Variants in PPWD1 observed in about 807,000 individuals in gnomAD.
PPWD1 encodes the protein peptidylprolyl isomerase domain and WD repeat-containing protein 1.
Under a neutral mutation model 68.8 loss-of-function variants are expected in PPWD1, and 43 were observed. The ratio of observed to expected loss-of-function variants is 0.62; its 90% CI spans 0.49 to 0.81. The LOEUF (loss-of-function observed/expected upper bound fraction) is 0.81, where lower values mean the gene tolerates loss of function less well. Ranked by LOEUF, PPWD1 falls within the 30% of genes least tolerant of loss-of-function variation. The pLI is 0.00. For missense variants in PPWD1, 672 were observed against 804.8 expected, an observed-to-expected ratio of 0.83 and a Z score of 2.00; for synonymous variants, 232 against 258.7, an observed-to-expected ratio of 0.90 and a Z score of 0.99.
chr5:65,569,655 G>T lies in PPWD1; in HGVS notation c.323G>T (p.Ser108Ile). 1 of 1,593,176 alleles carries T rather than the reference G, an allele frequency of 6.3e-7. No homozygotes were observed. The highest frequency in any genetic ancestry group is 8.6e-7 in the Non-Finnish European group (1 of 1,163,438). The change falls in exon 3 of 11, where the codon AGT becomes ATT. Residue 108 changes from serine to isoleucine, a missense_variant. Ser to Ile is a moderately radical substitution (Grantham distance 142). Transcript: ENST00000261308. Reference sequence around the variant, plus strand: ...AGAACAGATTTTATTATTACTGCCAGTCATGATGGACATGTCAAGTTCTGG... The same window carrying T: ...AGAACAGATTTTATTATTACTGCCATTCATGATGGACATGTCAAGTTCTGG... ...CTKTDFIITA[S>I]HDGHVKFWKK... is the part of the protein sequence containing the mutation.
Position 65,587,353 on chromosome 5 carries a change from A to G in PPWD1, c.1898A>G (p.Lys633Arg). 1 of 1,612,570 alleles carries G rather than the reference A, an allele frequency of 6.2e-7. No homozygotes were observed. Among genetic ancestry groups the G allele is most frequent in the Non-Finnish European group, 8.5e-7 (1 of 1,179,038 alleles). Residue 633 changes from lysine to arginine, a missense_variant, in exon 11 of 11, where the codon AAG (lysine) becomes AGG (arginine). Around this residue, in one of 2 missense-constraint regions of PPWD1, gnomAD observed 484 missense variants for 646.2 expected, o/e 0.75. Coordinates refer to ENST00000261308, the MANE Select transcript of PPWD1 (RefSeq NM_015342.4). ...GTCAAAGTCAATCCCAAAACAGATAAGCCCTATGAGGATGTCAGCATCATA... is the reference window on the plus strand; with the variant it reads ...GTCAAAGTCAATCCCAAAACAGATAGGCCCTATGAGGATGTCAGCATCATA... ...SNVKVNPKTD[K>R]PYEDVSIINI...
intron 5 of PPWD1, among the ~76,000 whole-genome samples, chr5:65,573,481 T>TATATATAAAA (rs1304267719): frequency 1.1e-5 from 1 of 93,432 alleles, no homozygotes; most frequent in African/African-American, 5.2e-5. Flanking sequence ...ATATATTTTT[T>TATATATAAAA]TTTTATTAGA....
intron 5 of PPWD1, 51 bp downstream of exon 5, chr5:65,572,337 T>C: frequency 6.9e-7 from 1 of 1,457,018 alleles, no homozygotes; most frequent in Non-Finnish European, 9.2e-7. Flanking sequence ...AAATGCTTTA[T>C]TTTATGCCTT....
chr5:65,567,685 G>A, intron 2 of PPWD1, 70 bp downstream of exon 2: 1 of 1,454,442 alleles, frequency 6.9e-7, no homozygotes, highest in South Asian at 1.5e-5. Flanking sequence ...CAATTTTGAG[G>A]TAGATTTATA....
At chr5:65,567,033 C>T (rs1752807969) in intron 1 of PPWD1, among the ~76,000 whole-genome samples, 1 of 152,054 alleles carries the variant, frequency 6.6e-6, no homozygotes, top group Non-Finnish European at 1.5e-5. Flanking sequence ...AACACAGTGT[C>T]AATAACTTGA....
Position 65,586,133 on chromosome 5 carries a change from G to C in PPWD1, c.1749G>C (p.Ala583=). The change falls in exon 10 of 11, where the codon GCG becomes GCC. Residue 583 remains alanine, a synonymous_variant. Transcript: ENST00000261308. ...CATACACACTCAGCATGGCTAACGC[G>C]GGATCAAATACTAATGGATCCCAGT... The part of the protein sequence containing the change: ...DRPYTLSMAN[A]GSNTNGSQFF... The C allele has an allele frequency of 6.2e-7, 1 of 1,613,300 alleles. No individual in the cohort carries two copies. Among genetic ancestry groups the C allele is most frequent in the Non-Finnish European group, 8.5e-7 (1 of 1,179,522 alleles).
chr5:65,571,701 G>T, intron 4 of PPWD1, 138 bp from the exon 5 acceptor site: 1 of 1,370,590 alleles, frequency 7.3e-7, no homozygotes, highest in Non-Finnish European at 9.7e-7. Context: ...TCCCCATTCT[G>T]TGTCTCTGCT....
chr5:65,574,664 CT>C (rs1753202808), intron 5 of PPWD1, among the ~76,000 whole-genome samples: 1 of 151,684 alleles, frequency 6.6e-6, no homozygotes, highest in African/African-American at 2.4e-5. Flanking sequence ...GGGGTTTCAC[CT>C]TGTTAGCCAG....
At chr5:65,579,930 GTTT>G (rs1459224253) in intron 7 of PPWD1, among the ~76,000 whole-genome samples, 10 of 152,128 alleles carry the variant, frequency 6.6e-5, no homozygotes, top group Non-Finnish European at 1.5e-4. Context: ...TTTTAAAAGT[GTTT>G]TTATTTTTTC....
chr5:65,566,030 A>C (rs1221086636), intron 1 of PPWD1, among the ~76,000 whole-genome samples: 1 of 152,188 alleles, frequency 6.6e-6, no homozygotes, highest in Non-Finnish European at 1.5e-5. Context: ...ATAGCACTAT[A>C]TCTCTTCAGG....
At chr5:65,580,949 C>G (rs1414614313) in intron 7 of PPWD1, among the ~76,000 whole-genome samples, 1 of 152,176 alleles carries the variant, frequency 6.6e-6, no homozygotes, top group Admixed American at 6.5e-5. Flanking sequence ...ACGCTGTGCT[C>G]TTCTTCTGAA....
At chr5:65,564,841 A>G (rs11957149) in intron 1 of PPWD1, among the ~76,000 whole-genome samples, 7,482 of 151,970 alleles carry the variant, frequency 0.049, 337 homozygotes, top group African/African-American at 0.1. Context: ...ATTTCCCTCA[A>G]CTCTTCCACT....
rs752186256 is a variant in PPWD1 at position 65,585,107 on chromosome 5, A to G, written c.1614+12A>G. 2 of 1,591,368 alleles carry G rather than the reference A, an allele frequency of 1.3e-6. No homozygotes were observed. The highest frequency in any genetic ancestry group is 4.5e-5 in the East Asian group (2 of 44,696). On this transcript the variant is annotated intron_variant, in intron 9 of 10. Coordinates refer to ENST00000261308, the MANE Select transcript of PPWD1 (RefSeq NM_015342.4). ...ACCGTATAATTAAGGTAAGTTACAT[A>G]AATTTCATGTCATATAAGAAATACT...
At chr5:65,563,874 T>C in intron 1 of PPWD1, 1 of 1,453,340 alleles carries the variant, frequency 6.9e-7, no homozygotes, top group Non-Finnish European at 9.3e-7. Context: ...TTTAAGGCTT[T>C]AGTTCAGGAG....
chr5:65,568,398 A>G (rs1366969985), intron 2 of PPWD1, among the ~76,000 whole-genome samples: 2 of 152,178 alleles, frequency 1.3e-5, no homozygotes, highest in African/African-American at 4.8e-5. Context: ...AGAGATGACG[A>G]AACTGAAGTT....
At chr5:65,572,652 T>C (rs1753067795) in intron 5 of PPWD1, among the ~76,000 whole-genome samples, 1 of 152,154 alleles carries the variant, frequency 6.6e-6, no homozygotes, top group Non-Finnish European at 1.5e-5. Flanking sequence ...TCTCTAACCT[T>C]CTATTACAAG....
At chr5:65,581,902 G>A (rs1468932259) in intron 7 of PPWD1, among the ~76,000 whole-genome samples, 2 of 152,010 alleles carry the variant, frequency 1.3e-5, no homozygotes, top group Non-Finnish European at 1.5e-5. Flanking sequence ...TGAAATAAAA[G>A]TATAATTTTA....
At chr5:65,573,476 T>TATATATATATATATATATATAA (rs201295161) in intron 5 of PPWD1, among the ~76,000 whole-genome samples, 24 of 59,668 alleles carry the variant, frequency 4.0e-4, no homozygotes, top group Non-Finnish European at 6.0e-4. Context: ...TATATATATA[T>TATATATATATATATATATATAA]TTTTTTTTTA....
intron 6 of PPWD1, among the ~76,000 whole-genome samples, chr5:65,578,833 AAG>A (rs1166630959): frequency 6.1e-4 from 88 of 144,918 alleles, no homozygotes; most frequent in East Asian, 9.9e-4. Context: ...TTTTTAAAAA[AAG>A]AGTTTTTTAT....
Sources: gnomAD v4.1 joint callset for allele counts (sites outside exome capture counted in the v4.1 genomes callset) on GRCh38, gnomAD v4.1.1 for gene constraint, gnomAD v4.1.1 regional missense constraint, MANE v1.5 for transcripts, NCBI Gene and HGNC (gene_info 2026-07-23, HGNC 2026-07-21) for gene names.